The following PTPRZ1 variants were observed in gnomAD, a reference collection of about 807,000 sequenced individuals.
PTPRZ1 encodes receptor-type tyrosine-protein phosphatase zeta.
PTPRZ1 carries 82 observed loss-of-function variants against 214.1 expected under a neutral mutation model. The ratio of observed to expected loss-of-function variants is 0.38; its 90% CI spans 0.32 to 0.46. PTPRZ1 has a LOEUF of 0.46. Among genes scored for constraint, PTPRZ1 ranks in the 20% least tolerant of loss-of-function variants. The pLI is 1.00. For missense variants in PTPRZ1, 2,603 were observed against 2,748.7 expected (o/e 0.95, Z 1.19); for synonymous variants, 945 against 987.9 (o/e 0.96, Z 0.81).
intron 6 of PTPRZ1, among the ~76,000 whole-genome samples, chr7:121,983,020 A>C (rs1797659504): frequency 2.0e-5 from 3 of 152,072 alleles, no homozygotes. Context: ...TTCGTGATCC[A>C]CCCACCTTGG....
rs1798938323 is a variant in PTPRZ1 at position 122,019,153 on chromosome 7, A to G, written c.4873A>G (p.Ile1625Val). The change falls in exon 13 of 30, where the codon ATT becomes GTT. Residue 1625 changes from isoleucine (I) to valine (V), a missense_variant. Ile to Val is a conservative substitution (Grantham distance 29, BLOSUM62 3). Around this residue, in one of 6 missense-constraint regions of PTPRZ1, gnomAD observed 1,913 missense variants for 1,914.3 expected, o/e 1.00. Transcript: ENST00000393386. ...CAGTAATAGTAGCCATGAGTCTCGT[A>G]TTGGTCTAGCTGAGGGGTTGGAATC... ...EASNSSHESR[I>V]GLAEGLESEK... The G allele has an allele frequency of 2.5e-6, 4 of 1,612,146 alleles. No individual in the cohort carries two copies. The highest frequency in any genetic ancestry group is 1.1e-5 in the South Asian group (1 of 91,012).
In PTPRZ1 at chr7:121,895,897, C is replaced by T. The variant is rs3801372; in HGVS notation, c.58+22340C>T. ...TATCCTCCCCAGATACATATTATTT[C>T]GTTGCACTTGGAAGGTTAGAATCCC... On this transcript the variant is annotated intron_variant, in intron 1 of 29. Coordinates refer to ENST00000393386, the MANE Select transcript of PTPRZ1 (RefSeq NM_002851.3). Among the ~76,000 whole-genome samples the T allele has an allele frequency of 9.5e-4, 145 of 152,294 alleles. No individual in the cohort carries two copies. The East Asian group carries it at 0.018, about 18-fold the overall frequency.
intron 1 of PTPRZ1, among the ~76,000 whole-genome samples, chr7:121,875,377 G>T (rs1794023148): frequency 6.6e-6 from 1 of 152,124 alleles, no homozygotes; most frequent in Non-Finnish European, 1.5e-5. Flanking sequence ...GTATGTATAA[G>T]TACTTCATTC....
At chr7:121,973,940 G>GAAAAAAAAAAAAAAAAAA (rs371692415) in intron 4 of PTPRZ1, among the ~76,000 whole-genome samples, 1 of 86,226 alleles carries the variant, frequency 1.2e-5, no homozygotes, top group Non-Finnish European at 2.1e-5. Flanking sequence ...TCTCAAAAAA[G>GAAAAAAAAAAAAAAAAAA]AAAAAAAAAA....
chr7:121,976,704 A>T, intron 5 of PTPRZ1, 81 bp from the exon 6 acceptor site: 9 of 1,106,204 alleles, frequency 8.1e-6, no homozygotes, highest in Non-Finnish European at 1.1e-5. Flanking sequence ...TTTAAAATGG[A>T]ATTCATTAAT....
At chr7:121,997,779 T>C (rs1584725944) in intron 9 of PTPRZ1, 101 bp from the exon 10 acceptor site, 3 of 948,916 alleles carry the variant, frequency 3.2e-6, no homozygotes, top group Non-Finnish European at 4.5e-6. Flanking sequence ...TAGAAGTATT[T>C]TCCACGGACC....
chr7:121,895,055 T>C (rs1274761104), intron 1 of PTPRZ1, among the ~76,000 whole-genome samples: 1 of 152,218 alleles, frequency 6.6e-6, no homozygotes, highest in Non-Finnish European at 1.5e-5. Flanking sequence ...AGGCTTTTAT[T>C]TGCATAAATT....
chr7:122,012,073 C>A lies in PTPRZ1; in HGVS notation c.3027C>A (p.Asp1009Glu). The A allele has an allele frequency of 6.2e-7, 1 of 1,614,202 alleles. No individual in the cohort carries two copies. Among genetic ancestry groups the A allele is most frequent in the Non-Finnish European group, 8.5e-7 (1 of 1,180,010 alleles). Residue 1009 changes from aspartate to glutamate, a missense_variant, in exon 12 of 30, where the codon GAC (aspartate) becomes GAA (glutamate). Transcript: ENST00000393386. ...CTGATAGTGAATTTCTTTTACCTGA[C>A]ACAGATGGGCTGACAGCCCTTAACA... ...ASSDSEFLLP[D>E]TDGLTALNIS...
At chr7:121,978,804 A>G (rs1277121476) in intron 6 of PTPRZ1, among the ~76,000 whole-genome samples, 1 of 152,214 alleles carries the variant, frequency 6.6e-6, no homozygotes, top group African/African-American at 2.4e-5. Context: ...TATACTCAGC[A>G]AGGACAACTA....
chr7:121,944,138 C>G (rs1796308052), intron 2 of PTPRZ1, among the ~76,000 whole-genome samples: 1 of 152,094 alleles, frequency 6.6e-6, no homozygotes, highest in African/African-American at 2.4e-5. Flanking sequence ...GCCTCTTTAC[C>G]TACATAGGGA....
Position 121,932,580 on chromosome 7 carries a change from C to T in PTPRZ1, c.124+4359C>T, listed in dbSNP as rs73437164. Among the ~76,000 whole-genome samples, 362 of 152,126 alleles carry T rather than the reference C, an allele frequency of 2.4e-3. 2 individuals carry two copies. Among genetic ancestry groups the T allele is most frequent in the African/African-American group, 8.3e-3 (345 of 41,502 alleles). On this transcript the variant is annotated intron_variant, in intron 2 of 29. Transcript: ENST00000393386. ...AAATTTATCAAATTAGTGGCAATCA[C>T]GGAAGAAATGGCTTGCCCTTGAGTG... is the stretch of plus-strand genomic sequence containing the variant.
intron 13 of PTPRZ1, among the ~76,000 whole-genome samples, chr7:122,020,281 T>C (rs984481382): frequency 1.3e-5 from 2 of 152,162 alleles, no homozygotes; most frequent in African/African-American, 4.8e-5. Flanking sequence ...GAGTCAGTGA[T>C]TTGAAGAAAT....
chr7:121,887,787 A>C (rs2116196993), intron 1 of PTPRZ1, among the ~76,000 whole-genome samples: 1 of 152,212 alleles, frequency 6.6e-6, no homozygotes, highest in Middle Eastern at 3.4e-3. Context: ...TCTATGGGTA[A>C]GTTTTCCCTG....
chr7:121,988,473 T>G (rs1797837376), intron 8 of PTPRZ1, among the ~76,000 whole-genome samples: 1 of 152,212 alleles, frequency 6.6e-6, no homozygotes, highest in African/African-American at 2.4e-5. Flanking sequence ...TATGCCCTTA[T>G]GCGTATAGGG....
chr7:121,970,068 T>C (rs1797189335), intron 3 of PTPRZ1, among the ~76,000 whole-genome samples: 1 of 151,210 alleles, frequency 6.6e-6, no homozygotes, highest in Admixed American at 6.6e-5. Flanking sequence ...TTTTTGTCCT[T>C]GCGATAGTTT....
chr7:121,960,408 T>C (rs1796839152), intron 2 of PTPRZ1, among the ~76,000 whole-genome samples: 1 of 152,170 alleles, frequency 6.6e-6, no homozygotes, highest in Non-Finnish European at 1.5e-5. Flanking sequence ...ATGAAAGTAA[T>C]ATATATTTTT....
chr7:121,907,441 T>A (rs1234879554), intron 1 of PTPRZ1, among the ~76,000 whole-genome samples: 2 of 152,018 alleles, frequency 1.3e-5, no homozygotes, highest in Non-Finnish European at 2.9e-5. Flanking sequence ...CACATTTTTT[T>A]AGGACATATG....
chr7:121,913,721 T>C (rs1176798639), intron 1 of PTPRZ1, among the ~76,000 whole-genome samples: 1 of 151,624 alleles, frequency 6.6e-6, no homozygotes, highest in Non-Finnish European at 1.5e-5. Flanking sequence ...TTAGCAGGTA[T>C]GGGGGAAAGT....
intron 2 of PTPRZ1, among the ~76,000 whole-genome samples, chr7:121,962,621 G>C (rs1796916296): frequency 6.6e-6 from 1 of 151,412 alleles, no homozygotes. Flanking sequence ...CTGGAGTGCA[G>C]TGGTGCAATC....
Sources: allele counts gnomAD v4.1 joint callset (sites outside exome capture counted in the v4.1 genomes callset), GRCh38; gene constraint gnomAD v4.1.1; regional missense constraint gnomAD v4.1.1; transcripts MANE v1.5; gene names NCBI Gene and HGNC (gene_info 2026-07-23, HGNC 2026-07-21).